AGMO: variants seen among roughly 807,000 people sequenced by gnomAD.
The protein encoded by AGMO is glyceryl-ether monooxygenase.
A neutral mutation model predicts 60.2 loss-of-function variants in AGMO; 75 were observed. The ratio of observed to expected loss-of-function variants is 1.25; its 90% CI spans 1.03 to 1.51. AGMO has a LOEUF of 1.51. AGMO is among the 40% of genes most tolerant of loss of function. The pLI, the probability that AGMO is intolerant of heterozygous loss-of-function variation, is 0.00. For synonymous variants in AGMO, 261 were observed against 177.1 expected (o/e 1.47, Z -3.76); for missense variants, 763 against 525.5 (o/e 1.45, Z -4.42).
At chr7:15,394,024 G>T in intron 6 of AGMO, 89 bp downstream of exon 6, 1 of 843,776 alleles carries the variant, frequency 1.2e-6, no homozygotes. Flanking sequence ...TGACTATATT[G>T]GGAAATTGTG....
At chr7:15,344,159 C>G (rs1781952446) in intron 12 of AGMO, among the ~76,000 whole-genome samples, 1 of 151,992 alleles carries the variant, frequency 6.6e-6, no homozygotes. Context: ...ACTGATATAC[C>G]TGAAGCATCT....
At chr7:15,445,833 A>G (rs557131573) in intron 3 of AGMO, among the ~76,000 whole-genome samples, 15 of 152,154 alleles carry the variant, frequency 9.9e-5, no homozygotes, top group Non-Finnish European at 1.9e-4. Context: ...AAGGAAGTCA[A>G]TCATGGCTTC....
At chr7:15,450,175 C>T (rs1425963023) in intron 3 of AGMO, among the ~76,000 whole-genome samples, 2 of 152,080 alleles carry the variant, frequency 1.3e-5, no homozygotes, top group African/African-American at 2.4e-5. Context: ...AATCCCAGTG[C>T]TTTGGGAGGC....
intron 2 of AGMO, among the ~76,000 whole-genome samples, chr7:15,556,970 A>G (rs1416768169): frequency 6.6e-6 from 1 of 152,022 alleles, no homozygotes; most frequent in Non-Finnish European, 1.5e-5. Context: ...ATTACAGATC[A>G]TGGTCTGTCC....
the AGMO span, among the ~76,000 whole-genome samples, chr7:15,142,408 T>A: frequency 4.6e-5 from 7 of 152,054 alleles, no homozygotes; most frequent in Non-Finnish European, 1.0e-4. Context: ...TCTGAAGAGG[T>A]TCTTCAGATC....
intron 3 of AGMO, among the ~76,000 whole-genome samples, chr7:15,507,574 G>A (rs144185671): frequency 6.6e-6 from 1 of 152,182 alleles, no homozygotes; most frequent in East Asian, 1.9e-4. Flanking sequence ...GGAACTTATG[G>A]TTTAAAATAA....
chr7:15,290,956 G>C (rs951393435), intron 12 of AGMO, among the ~76,000 whole-genome samples: 1 of 152,062 alleles, frequency 6.6e-6, no homozygotes, highest in Non-Finnish European at 1.5e-5. Context: ...TATTAGGATG[G>C]ATAATAGAGT....
intron 5 of AGMO, among the ~76,000 whole-genome samples, chr7:15,408,494 G>T (rs1020076317): frequency 4.0e-5 from 6 of 151,804 alleles, no homozygotes; most frequent in African/African-American, 1.4e-4. Flanking sequence ...CGGTATTAAC[G>T]AACTATTTAG....
intron 12 of AGMO, among the ~76,000 whole-genome samples, chr7:15,216,033 C>T (rs551456509): frequency 6.6e-6 from 1 of 152,046 alleles, no homozygotes. Context: ...ATGAACAGTA[C>T]ACTGAGGTGA....
At chr7:15,555,292 T>TATACACACAC (rs1213509604) in intron 2 of AGMO, among the ~76,000 whole-genome samples, 1 of 95,878 alleles carries the variant, frequency 1.0e-5, no homozygotes, top group South Asian at 3.6e-4. Flanking sequence ...TATATATATA[T>TATACACACAC]ACACACACAC....
the AGMO span, among the ~76,000 whole-genome samples, chr7:15,172,437 A>G: frequency 6.6e-6 from 1 of 152,226 alleles, no homozygotes; most frequent in African/African-American, 2.4e-5. Flanking sequence ...CTGGGATTGC[A>G]GCAATCATTC....
At chr7:15,147,700 C>G in the AGMO span, among the ~76,000 whole-genome samples, 1 of 152,176 alleles carries the variant, frequency 6.6e-6, no homozygotes, top group South Asian at 2.1e-4. Flanking sequence ...TTTTGGGTGG[C>G]TGTGTGACTA....
In AGMO at chr7:15,382,019, T is replaced by C. The variant is rs753725983; in HGVS notation, c.1074+3427A>G. On this transcript the variant is annotated intron_variant, in intron 10 of 12. Coordinates refer to ENST00000342526, the MANE Select transcript of AGMO (RefSeq NM_001004320.2). ...GAGGAACAACACACACTGGGGTCTA[T>C]TGGAGGGTGGAGGGTGGGAGGAGGA... Among the ~76,000 whole-genome samples the C allele has an allele frequency of 7.9e-5, 12 of 152,082 alleles. No individual in the cohort carries two copies. In the South Asian group the frequency reaches 1.0e-3, roughly 13 times the overall value.
chr7:15,364,151 T>C (rs1282461308), intron 12 of AGMO, among the ~76,000 whole-genome samples: 1 of 151,922 alleles, frequency 6.6e-6, no homozygotes, highest in Non-Finnish European at 1.5e-5. Flanking sequence ...TATATACCCC[T>C]ATGGTTTAGA....
chr7:15,528,430 A>G (rs575649800), intron 3 of AGMO, among the ~76,000 whole-genome samples: 72 of 152,158 alleles, frequency 4.7e-4, no homozygotes, highest in African/African-American at 1.7e-3. Context: ...CATACATAAT[A>G]TTATATATTA....
intron 12 of AGMO, among the ~76,000 whole-genome samples, chr7:15,254,446 A>T (rs535122737): frequency 1.3e-5 from 2 of 152,194 alleles, no homozygotes; most frequent in African/African-American, 4.8e-5. Flanking sequence ...AGGTGAGGTG[A>T]TATCTGATTG....
rs1435546852 is a variant in AGMO, at chr7:15,391,082, AT to A, written c.677-178del. Among the ~76,000 whole-genome samples the A allele has an allele frequency of 2.4e-4, 36 of 152,038 alleles. 1 individual carries two copies. Among genetic ancestry groups the A allele is most frequent in the Admixed American group, 2.4e-3 (36 of 15,264 alleles). ...TTTATTGTCTAATAATGGAATTTTTATTTTTCAATTAATTATACTAAAAAGG... is the reference window on the plus strand; with the variant it reads ...TTTATTGTCTAATAATGGAATTTTTATTTTCAATTAATTATACTAAAAAGG... On this transcript the variant is annotated intron_variant, in intron 6 of 12. Coordinates refer to ENST00000342526, the MANE Select transcript of AGMO (RefSeq NM_001004320.2).
chr7:15,138,211 A>T, the AGMO span, among the ~76,000 whole-genome samples: 1 of 152,110 alleles, frequency 6.6e-6, no homozygotes, highest in Middle Eastern at 3.4e-3. Flanking sequence ...CTTATTCTGA[A>T]CCCGTTCCTT....
intron 12 of AGMO, among the ~76,000 whole-genome samples, chr7:15,261,047 A>T (rs891125182): frequency 2.0e-5 from 3 of 152,030 alleles, no homozygotes; most frequent in African/African-American, 7.2e-5. Context: ...AGCATTAAAT[A>T]CCTACATCAA....
Sources: gnomAD v4.1 joint callset for allele counts (sites outside exome capture counted in the v4.1 genomes callset) on GRCh38, gnomAD v4.1.1 for gene constraint, MANE v1.5 for transcripts, NCBI Gene and HGNC (gene_info 2026-07-23, HGNC 2026-07-21) for gene names.